SAMD5: variants seen among roughly 807,000 people sequenced by gnomAD.
SAMD5 encodes the protein sterile alpha motif domain-containing protein 5.
A neutral mutation model predicts 11.3 loss-of-function variants in SAMD5; 13 were observed. The ratio of observed to expected loss-of-function variants is 1.15; its 90% CI spans 0.75 to 1.83. SAMD5 has a LOEUF of 1.83. SAMD5 is among the 40% of genes most tolerant of loss of function. The pLI is 0.00. For synonymous variants in SAMD5, 129 were observed against 111.3 expected, an observed-to-expected ratio of 1.16 and a Z score of -1.00; for missense variants, 255 against 239.1, an observed-to-expected ratio of 1.07 and a Z score of -0.44.
At chr6:147,739,677 AAG>A (rs1791851794), downstream of SAMD5, among the ~76,000 whole-genome samples, 1 of 152,196 alleles carries the variant, frequency 6.6e-6, no homozygotes, top group African/African-American at 2.4e-5. Context: ...TTTCTGGAAA[AAG>A]AGAAAATGGG....
chr6:147,681,015 A>G (rs1020413999), intron 1 of SAMD5, among the ~76,000 whole-genome samples: 2 of 152,122 alleles, frequency 1.3e-5, no homozygotes, highest in Non-Finnish European at 2.9e-5. Context: ...TCATAGAATG[A>G]ATTTGGAAAT....
In SAMD5 at chr6:147,566,929, A is replaced by C. The variant is rs1583087091; in HGVS notation, c.*2473A>C. 4.5e-6 allele frequency: 4 copies of C among 888,732 alleles called. No individual in the cohort carries two copies. In the African/African-American group the frequency reaches 5.4e-5, roughly 12 times the overall value. 55.1% of individuals were successfully genotyped at this position (888,732 alleles called of 1,614,324 possible). A position where few individuals can be genotyped will look rare whatever the true frequency, so the allele number is the denominator to read the frequency against. ...AATTTTTTCAGCGTTTTTCCTCTGT[A>C]TCTAAACACCAATAATATACTTAAT... On this transcript the variant is annotated 3_prime_UTR_variant, in exon 2 of 2. Transcript: ENST00000367474.
At chr6:147,748,305 A>T in the SAMD5 span, among the ~76,000 whole-genome samples, 2 of 152,192 alleles carry the variant, frequency 1.3e-5, no homozygotes, top group African/African-American at 4.8e-5. Flanking sequence ...AGCACAGGTC[A>T]TTTGGATTAG....
intron 1 of SAMD5, among the ~76,000 whole-genome samples, chr6:147,650,747 G>A (rs979140225): frequency 2.0e-5 from 3 of 152,166 alleles, no homozygotes; most frequent in Non-Finnish European, 4.4e-5. Context: ...GAACTTTCAG[G>A]GAGGAGATGG....
intron 1 of SAMD5, among the ~76,000 whole-genome samples, chr6:147,630,603 C>T (rs1364936007): frequency 6.6e-6 from 1 of 151,558 alleles, no homozygotes; most frequent in African/African-American, 2.4e-5. Context: ...TTTTCCATTA[C>T]CCACCCAAAT....
chr6:147,930,970 GAC>G, the SAMD5 span, among the ~76,000 whole-genome samples: 1 of 152,108 alleles, frequency 6.6e-6, no homozygotes, highest in Non-Finnish European at 1.5e-5. Context: ...CACCCTCACA[GAC>G]ACACCCAGAA....
chr6:147,855,041 T>G, the SAMD5 span, among the ~76,000 whole-genome samples: 8 of 152,168 alleles, frequency 5.3e-5, no homozygotes, highest in Admixed American at 3.9e-4. Flanking sequence ...TTTTGGAGGC[T>G]TCAGGGAGAA....
the SAMD5 span, among the ~76,000 whole-genome samples, chr6:147,854,108 A>T: frequency 1.3e-5 from 2 of 152,184 alleles, no homozygotes; most frequent in African/African-American, 4.8e-5. Flanking sequence ...AGGAGGCCTG[A>T]GTCTGGAAGG....
rs530504597 is a variant in SAMD5, at chr6:147,609,603, G to C, written c.162+100216G>C. 3.3e-5 allele frequency among the ~76,000 whole-genome samples: 5 copies of C among 152,234 alleles called. No homozygotes were observed. In the South Asian group the frequency reaches 1.0e-3, roughly 32 times the overall value. Reference sequence around the variant, plus strand: ...CTCACCCTGTCGCACAGGCTGGAGTGCACTGGTACAATCTCGGCTCACTGC... The same window carrying C: ...CTCACCCTGTCGCACAGGCTGGAGTCCACTGGTACAATCTCGGCTCACTGC... On this transcript the variant is annotated intron_variant, in intron 1 of 1. Coordinates refer to the SAMD5 transcript ENST00000566741.
At chr6:147,571,579 A>C (rs567175486), downstream of SAMD5, among the ~76,000 whole-genome samples, 1 of 151,874 alleles carries the variant, frequency 6.6e-6, no homozygotes, top group Non-Finnish European at 1.5e-5. Context: ...TTTAAAGTAC[A>C]TTCATGTACC....
At chr6:147,646,026 GTATCTATC>G (rs200304460) in intron 1 of SAMD5, among the ~76,000 whole-genome samples, 10,183 of 52,174 alleles carry the variant, frequency 0.2, 385 homozygotes, top group African/African-American at 0.28. Context: ...ATCTATCTAT[GTATCTATC>G]TATCTATCTA....
rs969240566 is a variant in SAMD5 at position 147,614,448 on chromosome 6, G to A, written c.162+105061G>A. ...TGTGCCGTTGCACTCCAGCCTGGGC[G>A]ACAGAGCTAGACTCTGTCTCCAAAA... On this transcript the variant is annotated intron_variant, in intron 1 of 1. Transcript: ENST00000566741. Among the ~76,000 whole-genome samples, 55 of 148,606 alleles carry A rather than the reference G, an allele frequency of 3.7e-4. 2 individuals are homozygous for A. Among genetic ancestry groups the A allele is most frequent in the African/African-American group, 1.3e-3 (50 of 39,170 alleles).
chr6:147,873,562 T>C, the SAMD5 span, among the ~76,000 whole-genome samples: 1 of 152,082 alleles, frequency 6.6e-6, no homozygotes, highest in East Asian at 1.9e-4. Context: ...TATTTTGAAA[T>C]ATTCATATGA....
At chr6:147,951,860 T>C in the SAMD5 span, among the ~76,000 whole-genome samples, 1 of 152,196 alleles carries the variant, frequency 6.6e-6, no homozygotes, top group Non-Finnish European at 1.5e-5. Context: ...ATGGCCCCTC[T>C]TAAGACTCTT....
chr6:147,634,337 G>A (rs938436603), intron 1 of SAMD5, among the ~76,000 whole-genome samples: 6 of 152,142 alleles, frequency 3.9e-5, no homozygotes, highest in Admixed American at 1.3e-4. Flanking sequence ...AAAGGAGGGG[G>A]AGGTTGTACA....
chr6:147,740,842 C>T (rs542498560), downstream of SAMD5, among the ~76,000 whole-genome samples: 6 of 152,318 alleles, frequency 3.9e-5, no homozygotes, highest in South Asian at 1.2e-3. Context: ...AGAATCAAGG[C>T]TAAACATACA....
intron 1 of SAMD5, among the ~76,000 whole-genome samples, chr6:147,624,372 A>T (rs1160745107): frequency 6.7e-6 from 1 of 150,016 alleles, no homozygotes. Flanking sequence ...CACAGGCCAC[A>T]GGAAGCAAGG....
rs144594547 is a variant in SAMD5 at position 147,603,372 on chromosome 6, C to G, written c.162+93985C>G. 3.3e-5 allele frequency among the ~76,000 whole-genome samples: 5 copies of G among 152,266 alleles called. No homozygotes were observed. The East Asian group carries it at 9.6e-4, about 29-fold the overall frequency. On this transcript the variant is annotated intron_variant, in intron 1 of 1. Transcript: ENST00000566741. Reference sequence around the variant, plus strand: ...ATACTGATGGGTTTATATTGATGAACAGAGAGATCCTTTTTCATTAGATTT... The same window carrying G: ...ATACTGATGGGTTTATATTGATGAAGAGAGAGATCCTTTTTCATTAGATTT...
the SAMD5 span, among the ~76,000 whole-genome samples, chr6:147,893,203 G>GA: frequency 0.18 from 23,768 of 130,392 alleles, 2,311 homozygotes; most frequent in Non-Finnish European, 0.25. Flanking sequence ...ACTCTGTCTA[G>GA]AAAAAAAAAA....
Sources: allele counts gnomAD v4.1 joint callset (sites outside exome capture counted in the v4.1 genomes callset), GRCh38; gene constraint gnomAD v4.1.1; transcripts MANE v1.5; gene names NCBI Gene and HGNC (gene_info 2026-07-23, HGNC 2026-07-21).